The following VPS51 variants were observed in gnomAD, a reference collection of about 807,000 sequenced individuals.
VPS51 encodes the protein VPS51 subunit of GARP complex.
Under a neutral mutation model 65.1 loss-of-function variants are expected in VPS51, and 55 were observed. That is an observed-to-expected ratio of 0.84 (90% confidence interval 0.68 to 1.06). VPS51 has a LOEUF of 1.06. Ranked by LOEUF, VPS51 falls within the 50% of genes least tolerant of loss-of-function variation. VPS51 has a pLI of 0.00. For synonymous variants in VPS51, 473 were observed against 489.5 expected (o/e 0.97, Z 0.44); for missense variants, 943 against 1,101.6 (o/e 0.86, Z 2.04).
chr11:65,096,698 T>C (rs1947772558), intron 1 of VPS51: 3 of 631,802 alleles, frequency 4.7e-6, no homozygotes, highest in African/African-American at 1.8e-5. Flanking sequence ...ATCTGAGGTC[T>C]TCTGGGCTGA....
At chr11:65,109,220 C>T in intron 5 of VPS51, 60 bp from the exon 6 acceptor site, 1 of 1,552,282 alleles carries the variant, frequency 6.4e-7, no homozygotes, top group South Asian at 1.2e-5. Context: ...AGCAGAGGGT[C>T]ATTAACAGCC....
At chr11:65,110,085 G>A in intron 7 of VPS51, 162 bp downstream of exon 7, 2 of 791,368 alleles carry the variant, frequency 2.5e-6, no homozygotes, top group Admixed American at 2.8e-5. Context: ...GGGCGTCCGT[G>A]AGGGAACCCC....
Position 65,108,617 on chromosome 11 carries a change from C to G in VPS51, c.1146C>G (p.Pro382=). 6.5e-7 allele frequency: 1 copy of G among 1,528,536 alleles called. No individual in the cohort carries two copies. Among genetic ancestry groups the G allele is most frequent in the Non-Finnish European group, 8.7e-7 (1 of 1,145,922 alleles). 94.7% of individuals were successfully genotyped at this position (1,528,536 alleles called of 1,614,324 possible). ...GCTTCCACCGGCGCTTGCGGGCTCC[C>G]GGGGCCCTGCTGGCCGCTGCCGGGC... The part of the protein sequence containing the change: ...LDRFHRRLRA[P]GALLAAAGLA... The change falls in exon 5 of 10, where the codon CCC becomes CCG. Residue 382 remains proline (P), a synonymous_variant. Transcript: ENST00000279281.
At chr11:65,098,208 C>T (rs936347858) in intron 2 of VPS51, among the ~76,000 whole-genome samples, 1 of 151,984 alleles carries the variant, frequency 6.6e-6, no homozygotes, top group East Asian at 1.9e-4. Flanking sequence ...AAGAAGAATC[C>T]CTGACATCAA....
Position 65,097,076 on chromosome 11 carries a change from G to A in VPS51, c.307G>A (p.Asp103Asn), listed in dbSNP as rs377434441. The A allele has an allele frequency of 5.6e-5, 91 of 1,613,862 alleles. No homozygotes were observed. Among genetic ancestry groups the A allele is most frequent in the Non-Finnish European group, 7.4e-5 (87 of 1,180,014 alleles). The part of the protein sequence containing the change: ...MVRQIRALDS[D>N]MQTLVYENYN... Reference sequence around the variant, plus strand: ...GCGGCAGATCCGGGCTCTAGACAGCGACATGCAGACCCTGGTCTATGAGAA... The same window carrying A: ...GCGGCAGATCCGGGCTCTAGACAGCAACATGCAGACCCTGGTCTATGAGAA... The change falls in exon 2 of 10, where the codon GAC becomes AAC. Residue 103 changes from aspartate (D) to asparagine (N), a missense_variant. By Grantham distance (23) the Asp-to-Asn change is conservative. Transcript: ENST00000279281.
chr11:65,108,347 G>A lies in VPS51; in HGVS notation c.876G>A (p.Gly292=). The A allele has an allele frequency of 6.2e-7, 1 of 1,611,742 alleles. No individual in the cohort carries two copies. Among genetic ancestry groups the A allele is most frequent in the African/African-American group, 1.3e-5 (1 of 75,038 alleles). ...KELRNLEAEL[G]PSPPAPDVLE... ...TGAGAAACCTGGAGGCCGAGCTGGG[G>A]CCCTCACCTCCGGCTCCCGACGTGT... Residue 292 remains glycine, a synonymous_variant, in exon 5 of 10, where the codon GGG becomes GGA. Coordinates refer to ENST00000279281, the MANE Select transcript of VPS51 (RefSeq NM_013265.4).
Position 65,096,483 on chromosome 11 carries a change from G to T in VPS51, c.228+5G>T. 1 of 1,352,368 alleles carries T rather than the reference G, an allele frequency of 7.4e-7. No individual in the cohort carries two copies. The highest frequency in any genetic ancestry group is 9.9e-7 in the Non-Finnish European group (1 of 1,008,000). The allele number at this position is 1,352,368 out of a possible 1,614,324, so 83.8% of individuals were successfully genotyped here. The stretch of plus-strand genomic sequence containing the variant: ...CCGGAAGTTTACCTAGACAAGGTGT[G>T]TGCGCACGGGGAGTGGGGGGGTGCG... On this transcript the variant is annotated splice_donor_5th_base_variant and intron_variant, in intron 1 of 9. Transcript: ENST00000279281.
chr11:65,108,017 C>T lies in VPS51; in HGVS notation c.720C>T (p.Arg240=). The change falls in exon 4 of 10, where the codon CGC becomes CGT. Residue 240 remains arginine, a synonymous_variant. Transcript: ENST00000279281. Reference sequence around the variant, plus strand: ...GCCTGGCCCAGCAGCTGCGGCAGCGCTTTAGGTGTGGCCCCTCTGCCCTGA... The same window carrying T: ...GCCTGGCCCAGCAGCTGCGGCAGCGTTTTAGGTGTGGCCCCTCTGCCCTGA... ...TARLAQQLRQ[R]FREGGSGAPE... The T allele has an allele frequency of 6.6e-7, 1 of 1,523,566 alleles. No homozygotes were observed. The highest frequency in any genetic ancestry group is 8.8e-7 in the Non-Finnish European group (1 of 1,137,294). 94.4% of individuals were successfully genotyped at this position (1,523,566 alleles called of 1,614,324 possible). A position where few individuals can be genotyped will look rare whatever the true frequency, so the allele number is the denominator to read the frequency against.
In VPS51 at chr11:65,107,575, T is replaced by G; in HGVS notation, c.359-6T>G. 1 of 1,579,144 alleles carries G rather than the reference T, an allele frequency of 6.3e-7. No individual in the cohort carries two copies. The highest frequency in any genetic ancestry group is 8.7e-7 in the Non-Finnish European group (1 of 1,154,994). ...TCTCCCCTTTTCCCCGCCCCTGCCC[T>G]CCTAGACACCATCCGGAAGATGAAG... On this transcript the variant is annotated splice_polypyrimidine_tract_variant and splice_region_variant and intron_variant, in intron 2 of 9. Coordinates refer to ENST00000279281, the MANE Select transcript of VPS51 (RefSeq NM_013265.4). This position sits in a 1 kb window ranked among gnomAD's most constrained non-coding sequence, Gnocchi z 4.0.
chr11:65,096,792 G>A (rs1162587271), intron 1 of VPS51: 3 of 778,908 alleles, frequency 3.9e-6, no homozygotes, highest in Non-Finnish European at 6.0e-6. Flanking sequence ...GATTTCAAAT[G>A]CTGACAAACA....
chr11:65,105,537 T>A (rs1947836348), intron 2 of VPS51: 1 of 152,188 alleles, frequency 6.6e-6, no homozygotes, highest in Non-Finnish European at 1.5e-5. Flanking sequence ...AAGAGTTCTG[T>A]GACCAAATGT....
In VPS51 at chr11:65,107,450, T is replaced by A; in HGVS notation, c.359-131T>A. On this transcript the variant is annotated intron_variant, in intron 2 of 9. Transcript: ENST00000279281. The surrounding 1 kb of genome is among the most constrained non-coding windows in gnomAD (Gnocchi z 4.0). The stretch of plus-strand genomic sequence containing the variant: ...GCTGTGACCCACGCCCTCGCAGTCC[T>A]TTCTCTGGAATCATCCATGCGCCCC... 4.5e-6 allele frequency: 5 copies of A among 1,121,644 alleles called. No homozygotes were observed. The highest frequency in any genetic ancestry group is 5.0e-6 in the Non-Finnish European group (4 of 795,472). The allele number at this position is 1,121,644 out of a possible 1,614,324, so 69.5% of individuals were successfully genotyped here.
chr11:65,099,758 T>G (rs1224922464), intron 2 of VPS51, among the ~76,000 whole-genome samples: 1 of 152,050 alleles, frequency 6.6e-6, no homozygotes, highest in Non-Finnish European at 1.5e-5. Flanking sequence ...AATCTCACCA[T>G]TGCACTCTAG....
intron 5 of VPS51, 162 bp from the exon 6 acceptor site, chr11:65,109,118 T>C: frequency 2.0e-6 from 2 of 1,025,450 alleles, no homozygotes; most frequent in Admixed American, 5.5e-5. Context: ...GTGTTGGCTT[T>C]CTCTGCCCCC....
intron 2 of VPS51, among the ~76,000 whole-genome samples, chr11:65,105,964 A>G (rs1342978481): frequency 6.6e-6 from 1 of 152,034 alleles, no homozygotes. Context: ...GCCACCCTCC[A>G]GGAGCCTCCA....
Position 65,107,771 on chromosome 11 carries a change from C to A in VPS51, c.506-32C>A, listed in dbSNP as rs989197178. 10 of 1,604,746 alleles carry A rather than the reference C, an allele frequency of 6.2e-6. No individual in the cohort carries two copies. Among genetic ancestry groups the A allele is most frequent in the Non-Finnish European group, 8.5e-6 (10 of 1,176,252 alleles). On this transcript the variant is annotated intron_variant, in intron 3 of 9. Transcript: ENST00000279281. The surrounding 1 kb of genome is among the most constrained non-coding windows in gnomAD (Gnocchi z 4.0). Reference sequence around the variant, plus strand: ...GGCCTGCAGTGGGCCTTTCCTGGGGCTCTGGGGCTAACGTCACCCTCCGTC... The same window carrying A: ...GGCCTGCAGTGGGCCTTTCCTGGGGATCTGGGGCTAACGTCACCCTCCGTC...
In VPS51 at chr11:65,111,744, GT is replaced by G. The variant is rs1947905892; in HGVS notation, c.*161del. The G allele has an allele frequency of 3.8e-6, 5 of 1,310,522 alleles. No individual in the cohort carries two copies. The highest frequency in any genetic ancestry group is 5.1e-6 in the Non-Finnish European group (5 of 985,608). 81.2% of individuals were successfully genotyped at this position (1,310,522 alleles called of 1,614,324 possible). A position where few individuals can be genotyped will look rare whatever the true frequency, so the allele number is the denominator to read the frequency against. The stretch of plus-strand genomic sequence containing the variant: ...CTGGGCGGGCCTTTCCGGGGGCGGG[GT>G]TTTGAAGCTGAGGCTTCTGAGGCGC... On this transcript the variant is annotated 3_prime_UTR_variant, in exon 10 of 10. Transcript: ENST00000279281.
At chr11:65,108,046 C>T (rs1358378402) in intron 4 of VPS51, 24 bp downstream of exon 4, 8 of 1,490,666 alleles carry the variant, frequency 5.4e-6, no homozygotes, top group Non-Finnish European at 7.1e-6. Flanking sequence ...GCCCTGACCC[C>T]AGCGCTCCCG....
At chr11:65,104,668 T>C (rs1947830199) in intron 2 of VPS51, among the ~76,000 whole-genome samples, 1 of 152,222 alleles carries the variant, frequency 6.6e-6, no homozygotes, top group South Asian at 2.1e-4. Flanking sequence ...ATTTAATTCA[T>C]CCTTGCATCT....
Sources: allele counts gnomAD v4.1 joint callset (sites outside exome capture counted in the v4.1 genomes callset), GRCh38; gene constraint gnomAD v4.1.1; non-coding constraint Gnocchi (gnomAD v3.1); transcripts MANE v1.5; gene names NCBI Gene and HGNC (gene_info 2026-07-23, HGNC 2026-07-21).